The following ZC3H3 variants were observed in gnomAD, a reference collection of about 807,000 sequenced individuals.
ZC3H3 encodes zinc finger CCCH-type containing 3, also known as zinc finger CCCH domain-containing protein 3.
A neutral mutation model predicts 77.3 loss-of-function variants in ZC3H3; 36 were observed. The ratio of observed to expected loss-of-function variants is 0.47; its 90% CI spans 0.36 to 0.61. The LOEUF is 0.61. Among genes scored for constraint, ZC3H3 ranks in the 20% least tolerant of loss-of-function variants. The pLI is 0.00. For missense variants in ZC3H3, 1,331 were observed against 1,312.2 expected (o/e 1.01, Z -0.22); for synonymous variants, 626 against 555.2 (o/e 1.13, Z -1.79).
At chr8:143,507,927 T>C in intron 3 of ZC3H3, 28 bp from the exon 4 acceptor site, 1 of 1,557,910 alleles carries the variant, frequency 6.4e-7, no homozygotes. Flanking sequence ...GGCACAGACA[T>C]GGGTCAGGGA....
At chr8:143,501,742 T>A (rs1293834451) in intron 4 of ZC3H3, among the ~76,000 whole-genome samples, 2 of 146,864 alleles carry the variant, frequency 1.4e-5, no homozygotes, top group Non-Finnish European at 3.0e-5. Context: ...TGGTGTGACG[T>A]TGGGATCCCA....
In ZC3H3 at chr8:143,468,278, C is replaced by T; in HGVS notation, c.2106G>A (p.Arg702=). The change falls in exon 8 of 12, where the codon AGG becomes AGA. Residue 702 remains arginine (R), a splice_region_variant and synonymous_variant. Coordinates refer to ENST00000262577, the MANE Select transcript of ZC3H3 (RefSeq NM_015117.3). ...HDPEKVAVCT[R]FVRGTCKKTD... Reference sequence around the variant, plus strand: ...TTTTCTTGCAGGTGCCCCGGACAAACCTGCAGCACCAGGAGAAACGGGTAT... The same window carrying T: ...TTTTCTTGCAGGTGCCCCGGACAAATCTGCAGCACCAGGAGAAACGGGTAT... 1 of 1,613,090 alleles carries T rather than the reference C, an allele frequency of 6.2e-7. No homozygotes were observed.
At chr8:143,442,468 G>A (rs867307632) in intron 9 of ZC3H3, among the ~76,000 whole-genome samples, 1 of 148,170 alleles carries the variant, frequency 6.7e-6, no homozygotes, top group African/African-American at 2.5e-5. Flanking sequence ...GGCTGTGCCT[G>A]ACAAGGAAAG....
At chr8:143,465,579 G>A in intron 9 of ZC3H3, 138 bp downstream of exon 9, 2 of 1,332,208 alleles carry the variant, frequency 1.5e-6, no homozygotes, top group Admixed American at 2.1e-5. Flanking sequence ...TGAGTCACCT[G>A]TGAGGTGGAC....
chr8:143,452,397 G>T (rs1820010601), intron 9 of ZC3H3, among the ~76,000 whole-genome samples: 1 of 152,204 alleles, frequency 6.6e-6, no homozygotes, highest in Non-Finnish European at 1.5e-5. Context: ...CTCCTAGCTG[G>T]CAAGAAGGAG....
intron 1 of ZC3H3, among the ~76,000 whole-genome samples, chr8:143,539,669 T>C (rs964196): frequency 0.15 from 22,104 of 152,162 alleles, 1,717 homozygotes; most frequent in Admixed American, 0.21. Context: ...AGAATCGCAA[T>C]GATCCCCTCT....
Position 143,538,129 on chromosome 8 carries a change from C to A in ZC3H3, c.1238G>T (p.Arg413Met), listed in dbSNP as rs780655976. The A allele has an allele frequency of 2.5e-6, 4 of 1,613,142 alleles. No individual in the cohort carries two copies. In the Admixed American group the frequency reaches 6.7e-5, roughly 27 times the overall value. ...HASQLSPVLS[R>M]SPSGDRPAVG... The stretch of plus-strand genomic sequence containing the variant: ...TGCTGGTCTGTCCCCCGACGGGGAC[C>A]TAGACAGGACTGGGGAGAGCTGGGA... Residue 413 changes from arginine to methionine, a missense_variant, in exon 2 of 12, where the codon AGG becomes ATG. This residue lies in a region of ZC3H3 where 978 missense variants were observed against 915.5 expected (regional missense o/e 1.07). Transcript: ENST00000262577.
chr8:143,500,034 CT>C lies in ZC3H3; in HGVS notation c.1715+7711del, dbSNP rs567658795. 7.9e-5 allele frequency among the ~76,000 whole-genome samples: 12 copies of C among 152,304 alleles called. No individual in the cohort carries two copies. The South Asian group carries it at 2.5e-3, about 32-fold the overall frequency. ...CACCTTCGACACCACCCCCCAGCCC[CT>C]ATCCTCTCTGCAAACACTCCAAACC... On this transcript the variant is annotated intron_variant, in intron 4 of 11. Transcript: ENST00000262577.
At chr8:143,475,642 T>C (rs1167522493) in intron 4 of ZC3H3, 57 bp from the exon 5 acceptor site, 3 of 1,499,326 alleles carry the variant, frequency 2.0e-6, no homozygotes, top group South Asian at 1.3e-5. Flanking sequence ...ACAGCTCTGA[T>C]GGTCAGTGCC....
intron 3 of ZC3H3, among the ~76,000 whole-genome samples, chr8:143,516,865 C>T (rs534524112): frequency 1.2e-3 from 178 of 152,312 alleles, no homozygotes; most frequent in Non-Finnish European, 2.1e-3. Flanking sequence ...AACGGCAGCC[C>T]GACAGGGCCA....
intron 3 of ZC3H3, among the ~76,000 whole-genome samples, chr8:143,523,694 G>A (rs1822322864): frequency 6.6e-6 from 1 of 152,234 alleles, no homozygotes; most frequent in African/African-American, 2.4e-5. Flanking sequence ...CACGCCACCA[G>A]GAGTGCATTC....
At chr8:143,540,064 C>T (rs919673214) in intron 1 of ZC3H3, among the ~76,000 whole-genome samples, 1 of 152,256 alleles carries the variant, frequency 6.6e-6, no homozygotes, top group Non-Finnish European at 1.5e-5. Context: ...CACGTCCAGA[C>T]GTGTTGACGC....
intron 3 of ZC3H3, among the ~76,000 whole-genome samples, chr8:143,529,447 A>G (rs1822529272): frequency 6.6e-6 from 1 of 152,166 alleles, no homozygotes; most frequent in Admixed American, 6.5e-5. Flanking sequence ...GGCAACACAG[A>G]AAGGATCGTG....
intron 10 of ZC3H3, 137 bp from the exon 11 acceptor site, chr8:143,440,500 GGCCTGGCCCTT>G: frequency 7.1e-7 from 1 of 1,406,840 alleles, no homozygotes. Flanking sequence ...GCACAGGTCA[GGCCTGGCCCTT>G]GGCCGCAAGG....
At chr8:143,527,553 C>T (rs1200658491) in intron 3 of ZC3H3, among the ~76,000 whole-genome samples, 3 of 152,202 alleles carry the variant, frequency 2.0e-5, no homozygotes, top group Non-Finnish European at 2.9e-5. Flanking sequence ...TGGAGGCCGC[C>T]GGCATGCCTG....
chr8:143,513,524 C>T (rs569103856), intron 3 of ZC3H3, among the ~76,000 whole-genome samples: 54 of 152,322 alleles, frequency 3.5e-4, no homozygotes, highest in African/African-American at 1.2e-3. Flanking sequence ...GCTGATGGCG[C>T]TCTTGGAGAA....
At chr8:143,528,990 A>G (rs1822510114) in intron 3 of ZC3H3, among the ~76,000 whole-genome samples, 1 of 152,204 alleles carries the variant, frequency 6.6e-6, no homozygotes, top group South Asian at 2.1e-4. Flanking sequence ...AGGAGGAAGG[A>G]ATGCCCATGG....
At chr8:143,515,466 G>A (rs956083922) in intron 3 of ZC3H3, among the ~76,000 whole-genome samples, 3 of 152,240 alleles carry the variant, frequency 2.0e-5, no homozygotes, top group African/African-American at 4.8e-5. Flanking sequence ...GCAGTTGTGC[G>A]GAAAAGTGGA....
intron 3 of ZC3H3, among the ~76,000 whole-genome samples, chr8:143,520,184 G>C (rs777274672): frequency 6.6e-6 from 1 of 152,214 alleles, no homozygotes; most frequent in Admixed American, 6.5e-5. Context: ...TGCTGCCTAG[G>C]GGCCACCATG....
Sources: allele counts gnomAD v4.1 joint callset (sites outside exome capture counted in the v4.1 genomes callset), GRCh38; gene constraint gnomAD v4.1.1; regional missense constraint gnomAD v4.1.1; transcripts MANE v1.5; gene names NCBI Gene and HGNC (gene_info 2026-07-23, HGNC 2026-07-21).